The following CSDE1 variants were observed in gnomAD, a reference collection of about 807,000 sequenced individuals.
CSDE1 encodes cold shock domain-containing protein E1.
Under a neutral mutation model 89.3 loss-of-function variants are expected in CSDE1, and 17 were observed. The ratio of observed to expected loss-of-function variants is 0.19; its 90% CI spans 0.13 to 0.29. The LOEUF is 0.29. Among genes scored for constraint, CSDE1 ranks in the 10% least tolerant of loss-of-function variants. The pLI is 1.00. For synonymous variants in CSDE1, 322 were observed against 332.8 expected, an observed-to-expected ratio of 0.97 and a Z score of 0.35; for missense variants, 672 against 984.2, an observed-to-expected ratio of 0.68 and a Z score of 4.24.
rs897668806 is a variant in CSDE1, at chr1:114,748,886, T to TG, written c.-1+934dup. Among the ~76,000 whole-genome samples, 26 of 152,222 alleles carry TG rather than the reference T, an allele frequency of 1.7e-4. 1 individual carries two copies. Among genetic ancestry groups the TG allele is most frequent in the Non-Finnish European group, 8.8e-5 (6 of 68,028 alleles). On this transcript the variant is annotated intron_variant, in intron 2 of 19. Transcript: ENST00000358528. ...TGAAGCAATAAAGCTATCTTACTTTTGGGGGAAAAACCCTTAAGCCCTTGC... is the reference window on the plus strand; with the variant it reads ...TGAAGCAATAAAGCTATCTTACTTTTGGGGGGAAAAACCCTTAAGCCCTTGC...
At chr1:114,743,381 G>A (rs1406603105) in intron 2 of CSDE1, among the ~76,000 whole-genome samples, 3 of 152,026 alleles carry the variant, frequency 2.0e-5, no homozygotes, top group Admixed American at 6.6e-5. Context: ...TAGTAGAGAC[G>A]GGGTTTCACC....
intron 1 of CSDE1, among the ~76,000 whole-genome samples, chr1:114,753,602 T>G (rs572054015): frequency 3.9e-5 from 6 of 152,244 alleles, no homozygotes; most frequent in African/African-American, 1.4e-4. Flanking sequence ...CCCTAAAAGC[T>G]TGAAACTTAA....
intron 2 of CSDE1, among the ~76,000 whole-genome samples, chr1:114,744,270 G>C (rs1371150748): frequency 6.6e-6 from 1 of 152,056 alleles, no homozygotes; most frequent in East Asian, 1.9e-4. Flanking sequence ...AATGAACCGA[G>C]TTTAATGTCT....
chr1:114,729,125 G>A (rs1659961818), intron 12 of CSDE1, among the ~76,000 whole-genome samples: 1 of 151,890 alleles, frequency 6.6e-6, no homozygotes, highest in Non-Finnish European at 1.5e-5. Context: ...TGGAGACGGA[G>A]TCTCACTCAG....
At chr1:114,730,135 A>C in intron 12 of CSDE1, 123 bp downstream of exon 12, 3 of 1,110,628 alleles carry the variant, frequency 2.7e-6, no homozygotes, top group Non-Finnish European at 3.9e-6. Flanking sequence ...GTTCACTGTT[A>C]ATATGACAGA....
At chr1:114,733,968 C>A in intron 8 of CSDE1, 21 bp downstream of exon 8, 1 of 1,607,676 alleles carries the variant, frequency 6.2e-7, no homozygotes, top group Non-Finnish European at 8.5e-7. Context: ...GGCCAAAGAT[C>A]AAGTTAACTG....
Position 114,757,406 on chromosome 1 carries a change from C to T in CSDE1, c.-388+519G>A, listed in dbSNP as rs533614426. On this transcript the variant is annotated intron_variant, in intron 1 of 19. Transcript: ENST00000358528. ...AGTCAGATTCCCAAGCAGGTAACGGCCAGGAAACTACAGGGTCCAGAGTCA... is the reference window on the plus strand; with the variant it reads ...AGTCAGATTCCCAAGCAGGTAACGGTCAGGAAACTACAGGGTCCAGAGTCA... 3.3e-5 allele frequency among the ~76,000 whole-genome samples: 5 copies of T among 152,200 alleles called. No homozygotes were observed. The East Asian group carries it at 9.7e-4, about 29-fold the overall frequency.
chr1:114,721,349 G>GTATTTT (rs1659510102), intron 16 of CSDE1, among the ~76,000 whole-genome samples: 1 of 152,144 alleles, frequency 6.6e-6, no homozygotes, highest in African/African-American at 2.4e-5. Flanking sequence ...TAAACAAATG[G>GTATTTT]TTGTGGCTGT....
At chr1:114,724,057 A>G in intron 15 of CSDE1, 55 bp from the exon 16 acceptor site, 2 of 1,556,584 alleles carry the variant, frequency 1.3e-6, no homozygotes, top group East Asian at 4.6e-5. Flanking sequence ...TACTACATAG[A>G]AAGACAAGTA....
intron 6 of CSDE1, 93 bp downstream of exon 6, chr1:114,736,665 T>G (rs1436295256): frequency 2.8e-6 from 2 of 722,228 alleles, no homozygotes; most frequent in Non-Finnish European, 4.7e-6. Flanking sequence ...TATCCAGACT[T>G]ACAAGTTAGG....
At chr1:114,726,095 C>T in intron 14 of CSDE1, 116 bp downstream of exon 14, 2 of 1,043,006 alleles carry the variant, frequency 1.9e-6, no homozygotes, top group Non-Finnish European at 2.7e-6. Flanking sequence ...CATAATTCTA[C>T]CAATATGAAA....
At chr1:114,729,821 T>C (rs992135470) in intron 12 of CSDE1, among the ~76,000 whole-genome samples, 2 of 152,246 alleles carry the variant, frequency 1.3e-5, no homozygotes, top group African/African-American at 4.8e-5. Context: ...TTTCAATAAA[T>C]GAAATTTAAA....
chr1:114,754,263 G>A (rs1478338159), intron 1 of CSDE1, among the ~76,000 whole-genome samples: 1 of 152,190 alleles, frequency 6.6e-6, no homozygotes, highest in East Asian at 1.9e-4. Context: ...AAAGTGCTGG[G>A]ATTACAGGCG....
chr1:114,751,581 A>C (rs1455601241), intron 1 of CSDE1, among the ~76,000 whole-genome samples: 2 of 152,196 alleles, frequency 1.3e-5, no homozygotes, highest in Non-Finnish European at 2.9e-5. Context: ...TCCTTCAAAT[A>C]TCAAATGTTA....
Position 114,739,784 on chromosome 1 carries a change from G to A in CSDE1, c.107C>T (p.Ser36Phe). The change falls in exon 3 of 20, where the codon TCT becomes TTT. Residue 36 changes from serine to phenylalanine, a missense_variant. By Grantham distance (155) the Ser-to-Phe change is radical. Coordinates refer to ENST00000358528, the MANE Select transcript of CSDE1 (RefSeq NM_001007553.3). ...TTCTGAACACTGAATAAATCCGTAA[G>A]AGGTTAACAGTTTTTCAATAACCCC... ...ETGVIEKLLT[S>F]YGFIQCSERQ... 6.2e-7 allele frequency: 1 copy of A among 1,614,122 alleles called. No homozygotes were observed. The highest frequency in any genetic ancestry group is 1.1e-5 in the South Asian group (1 of 91,086).
At chr1:114,751,704 A>AC (rs951054321) in intron 1 of CSDE1, among the ~76,000 whole-genome samples, 2 of 151,862 alleles carry the variant, frequency 1.3e-5, no homozygotes, top group African/African-American at 4.8e-5. Flanking sequence ...AAAAAAAAAA[A>AC]AACAAAAACA....
chr1:114,731,627 G>A (rs2101036482), intron 10 of CSDE1, among the ~76,000 whole-genome samples: 1 of 152,182 alleles, frequency 6.6e-6, no homozygotes, highest in Non-Finnish European at 1.5e-5. Context: ...AACATGTTTG[G>A]GAAAAAATCT....
chr1:114,721,594 G>C (rs1229309531), intron 16 of CSDE1, among the ~76,000 whole-genome samples: 1 of 152,112 alleles, frequency 6.6e-6, no homozygotes, highest in Non-Finnish European at 1.5e-5. Context: ...AAGAATTTTT[G>C]TCATTGTTAT....
intron 2 of CSDE1, 32 bp from the exon 3 acceptor site, chr1:114,739,922 T>C (rs1660627520): frequency 4.6e-6 from 7 of 1,537,196 alleles, no homozygotes; most frequent in Non-Finnish European, 5.4e-6. Flanking sequence ...TATATACATA[T>C]CTGTACATTA....
Sources: allele counts gnomAD v4.1 joint callset (sites outside exome capture counted in the v4.1 genomes callset), GRCh38; gene constraint gnomAD v4.1.1; transcripts MANE v1.5; gene names NCBI Gene and HGNC (gene_info 2026-07-23, HGNC 2026-07-21).